The following AGAP6 variants were observed in gnomAD, a reference collection of about 807,000 sequenced individuals.
AGAP6 encodes the protein arf-GAP with GTPase, ANK repeat and PH domain-containing protein 6.
AGAP6 carries 29 observed loss-of-function variants against 63.9 expected under a neutral mutation model. The ratio of observed to expected loss-of-function variants is 0.45; its 90% CI spans 0.34 to 0.62. AGAP6 has a LOEUF of 0.62. AGAP6 is among the 20% of genes least tolerant of loss of function. The probability of loss-of-function intolerance (pLI) is 0.01; values close to 1 mark genes in which losing one functional copy is unlikely to be tolerated. For missense variants in AGAP6, 493 were observed against 884.9 expected, an observed-to-expected ratio of 0.56 and a Z score of 5.62; for synonymous variants, 199 against 332.9, an observed-to-expected ratio of 0.60 and a Z score of 4.38.
intron 2 of AGAP6, 113 bp from the exon 3 acceptor site, chr10:49,991,563 A>G (rs1554860908): frequency 7.2e-7 from 1 of 1,390,618 alleles, no homozygotes; most frequent in African/African-American, 1.4e-5. Context: ...TTCAATGGAT[A>G]AGAATCAAAG....
chr10:49,994,228 T>G (rs1314670829), intron 3 of AGAP6, among the ~76,000 whole-genome samples, 167 bp from the exon 4 acceptor site: 1 of 152,182 alleles, frequency 6.6e-6, no homozygotes, highest in African/African-American at 2.4e-5. Flanking sequence ...AGATTTGACT[T>G]ATGAAATTAA....
At chr10:50,007,928 G>C in intron 6 of AGAP6, 97 bp from the exon 7 acceptor site, 1 of 1,601,366 alleles carries the variant, frequency 6.2e-7, no homozygotes, top group South Asian at 1.1e-5. Context: ...CTTTGGTAAA[G>C]TAAACACCAA....
intron 3 of AGAP6, among the ~76,000 whole-genome samples, chr10:49,992,413 T>C (rs1294542185): frequency 1.3e-5 from 2 of 152,112 alleles, no homozygotes; most frequent in Non-Finnish European, 2.9e-5. Flanking sequence ...AGAATACAAG[T>C]GAGGGTTCTA....
chr10:50,004,040 C>T (rs2132152120), intron 5 of AGAP6, among the ~76,000 whole-genome samples: 1 of 152,336 alleles, frequency 6.6e-6, no homozygotes, highest in African/African-American at 2.4e-5. Context: ...ACAAAATTAG[C>T]TGGGCGTGGT....
chr10:50,004,173 G>T (rs1256845853), intron 5 of AGAP6, among the ~76,000 whole-genome samples: 1 of 151,106 alleles, frequency 6.6e-6, no homozygotes, highest in Non-Finnish European at 1.5e-5. Context: ...CAACAAGAGC[G>T]AAACTCCACC....
intron 4 of AGAP6, among the ~76,000 whole-genome samples, chr10:49,995,074 C>T (rs1358532299): frequency 1.3e-5 from 2 of 151,890 alleles, no homozygotes; most frequent in Non-Finnish European, 2.9e-5. Flanking sequence ...CTTTCTATCA[C>T]AGCAGGTAAA....
chr10:49,998,002 A>ATT (rs1841560712), intron 4 of AGAP6, among the ~76,000 whole-genome samples: 1 of 137,588 alleles, frequency 7.3e-6, no homozygotes, highest in Non-Finnish European at 1.5e-5. Context: ...ATATATATAT[A>ATT]TATATATATA....
chr10:50,009,930 C>CA lies in AGAP6; in HGVS notation c.1806dup (p.Ala603SerfsTer11), dbSNP rs1176921250. On this transcript the variant is annotated frameshift_variant, in exon 8 of 8. Coordinates refer to ENST00000412531, the MANE Select transcript of AGAP6 (RefSeq NM_001077665.3). LOFTEE classifies it high-confidence loss of function. ...GCCACCGCTGATGAGGACCTGCAGA[C>CA]AGCCATCCTGCTGCTGGCACATGGC... 9.3e-6 allele frequency: 15 copies of CA among 1,612,020 alleles called. 1 individual carries two copies. Among genetic ancestry groups the CA allele is most frequent in the Non-Finnish European group, 1.0e-5 (12 of 1,179,880 alleles).
rs184234392 is a variant in AGAP6, at chr10:49,995,361, C to A, written c.396+932C>A. ...TATCTATCCAAATATTGTTAAGTAGCCTCTGGGTGCTCTGTTTGCTTTCAC... is the reference window on the plus strand; with the variant it reads ...TATCTATCCAAATATTGTTAAGTAGACTCTGGGTGCTCTGTTTGCTTTCAC... On this transcript the variant is annotated intron_variant, in intron 4 of 7. Coordinates refer to ENST00000412531, the MANE Select transcript of AGAP6 (RefSeq NM_001077665.3). 3.8e-3 allele frequency among the ~76,000 whole-genome samples: 583 copies of A among 152,274 alleles called. 1 individual carries two copies. Among genetic ancestry groups the A allele is most frequent in the Admixed American group, 7.3e-3 (112 of 15,286 alleles).
chr10:49,993,875 T>G (rs1188997971), intron 3 of AGAP6, among the ~76,000 whole-genome samples: 3 of 151,790 alleles, frequency 2.0e-5, no homozygotes, highest in Non-Finnish European at 4.4e-5. Flanking sequence ...GTAAAGACCG[T>G]TTTTTAATTT....
In AGAP6 at chr10:50,009,133, T is replaced by C; in HGVS notation, c.1008T>C (p.Ser336=). 1.2e-6 allele frequency: 2 copies of C among 1,614,072 alleles called. No homozygotes were observed. Among genetic ancestry groups the C allele is most frequent in the Non-Finnish European group, 1.7e-6 (2 of 1,180,008 alleles). ...IHKKEIDLQT[S]TIKVPGKWPS... ...AAAAAGAGATTGACCTTCAGACATC[T>C]ACCATCAAAGTCCCAGGAAAGTGGC... Residue 336 remains serine (S), a synonymous_variant, in exon 8 of 8, where the codon TCT becomes TCC. Transcript: ENST00000412531.
At chr10:49,990,071 AAG>A (rs1564705095) in intron 2 of AGAP6, among the ~76,000 whole-genome samples, 1 of 152,300 alleles carries the variant, frequency 6.6e-6, no homozygotes, top group Non-Finnish European at 1.5e-5. Context: ...CCTTCCCTGT[AAG>A]AGTGTTTGTT....
intron 3 of AGAP6, among the ~76,000 whole-genome samples, chr10:49,991,967 CAATT>C (rs1473920624): frequency 3.3e-5 from 5 of 152,092 alleles, no homozygotes; most frequent in Non-Finnish European, 4.4e-5. Flanking sequence ...TTTATCAACA[CAATT>C]AATTTGTCAT....
intron 3 of AGAP6, among the ~76,000 whole-genome samples, chr10:49,994,153 A>G (rs1334960742): frequency 6.6e-6 from 1 of 152,148 alleles, no homozygotes; most frequent in African/African-American, 2.4e-5. Context: ...TCTTTTGTAC[A>G]TGAGGATTCT....
chr10:50,006,596 C>T (rs1207716392), intron 6 of AGAP6, among the ~76,000 whole-genome samples: 5 of 152,210 alleles, frequency 3.3e-5, no homozygotes, highest in African/African-American at 4.8e-5. Flanking sequence ...AGGCTGGTCT[C>T]GAACTCCCGA....
At chr10:50,004,913 G>A (rs1466161430) in intron 6 of AGAP6, among the ~76,000 whole-genome samples, 193 bp downstream of exon 6, 2 of 152,196 alleles carry the variant, frequency 1.3e-5, no homozygotes, top group Non-Finnish European at 2.9e-5. Context: ...CAAAGAGTAT[G>A]TGTTTATATT....
At chr10:49,993,112 G>A (rs1246314781) in intron 3 of AGAP6, among the ~76,000 whole-genome samples, 1 of 152,092 alleles carries the variant, frequency 6.6e-6, no homozygotes, top group Non-Finnish European at 1.5e-5. Flanking sequence ...TATTACCATG[G>A]GGATGGGACC....
At chr10:50,005,340 G>A (rs1326015869) in intron 6 of AGAP6, among the ~76,000 whole-genome samples, 20 of 152,198 alleles carry the variant, frequency 1.3e-4, no homozygotes, top group Non-Finnish European at 1.9e-4. Flanking sequence ...GGCTGGGCAC[G>A]GTGGCTCACG....
At position 50,009,600 on chromosome 10, in the gene AGAP6, T is replaced by C. The variant is rs1554865143; in HGVS notation, c.1475T>C (p.Leu492Ser). Residue 492 changes from leucine (L) to serine (S), a missense_variant, in exon 8 of 8, where the codon TTG (leucine) becomes TCG (serine). Leu to Ser is a moderately radical substitution (Grantham distance 145, BLOSUM62 -2). This residue lies in a region of AGAP6 where 87 missense variants were observed against 92.9 expected (regional missense o/e 0.94). Coordinates refer to ENST00000412531, the MANE Select transcript of AGAP6 (RefSeq NM_001077665.3). ...ACCCAGAATCCTAAGTGGGCCAGTT[T>C]GAACTTGGGAGTCCTCATGTGTATT... ...CETQNPKWASLNLGVLMCIEC... is the reference protein window; with the variant it reads ...CETQNPKWASSNLGVLMCIEC... 1.9e-6 allele frequency: 3 copies of C among 1,614,106 alleles called. No homozygotes were observed. The highest frequency in any genetic ancestry group is 2.5e-6 in the Non-Finnish European group (3 of 1,179,970).
Sources: allele counts gnomAD v4.1 joint callset (sites outside exome capture counted in the v4.1 genomes callset), GRCh38; gene constraint gnomAD v4.1.1; regional missense constraint gnomAD v4.1.1; transcripts MANE v1.5; gene names NCBI Gene and HGNC (gene_info 2026-07-23, HGNC 2026-07-21).